Variants in PDE1A observed in about 807,000 individuals in gnomAD.
The protein encoded by PDE1A is phosphodiesterase 1A.
Under a neutral mutation model 61.7 loss-of-function variants are expected in PDE1A, and 35 were observed. The ratio of observed to expected loss-of-function variants is 0.57; its 90% CI spans 0.43 to 0.75. The LOEUF (loss-of-function observed/expected upper bound fraction) is 0.75, where lower values mean the gene tolerates loss of function less well. Among genes scored for constraint, PDE1A ranks in the 30% least tolerant of loss-of-function variants. PDE1A has a pLI of 0.00. For synonymous variants in PDE1A, 232 were observed against 213.2 expected (o/e 1.09, Z -0.77); for missense variants, 597 against 630.6 (o/e 0.95, Z 0.57).
Position 182,465,016 on chromosome 2 carries a change from A to T in PDE1A, c.101+57260T>A, listed in dbSNP as rs1686561597. Among the ~76,000 whole-genome samples, 3 of 152,312 alleles carry T rather than the reference A, an allele frequency of 2.0e-5. No individual in the cohort carries two copies. The South Asian group carries it at 6.2e-4, about 32-fold the overall frequency. On this transcript the variant is annotated intron_variant, in intron 2 of 14. Coordinates refer to the PDE1A transcript ENST00000410103. ...AAATATTAACTGTATGTTAAAATAC[A>T]ACAATATTAAAAGTATGTTTTTCTA...
At chr2:182,264,161 T>C (rs563088065) in intron 2 of PDE1A, 140 bp downstream of exon 2, 6 of 555,620 alleles carry the variant, frequency 1.1e-5, no homozygotes, top group Middle Eastern at 8.4e-4. Context: ...AAGAAGAACA[T>C]TTCAAATTTT....
At chr2:182,265,245 A>C (rs564043687) in intron 1 of PDE1A, among the ~76,000 whole-genome samples, 9 of 151,972 alleles carry the variant, frequency 5.9e-5, no homozygotes, top group East Asian at 1.9e-4. Flanking sequence ...TGTACCCCCC[A>C]AAAAAACTAC....
intron 2 of PDE1A, among the ~76,000 whole-genome samples, chr2:182,470,829 G>A (rs1686981321): frequency 6.6e-6 from 1 of 151,750 alleles, no homozygotes; most frequent in African/African-American, 2.4e-5. Flanking sequence ...GAAAGGTTTT[G>A]CACAAGGAGC....
chr2:182,523,380 T>A (rs1690669640), upstream of PDE1A, among the ~76,000 whole-genome samples: 1 of 151,326 alleles, frequency 6.6e-6, no homozygotes, highest in Non-Finnish European at 1.5e-5. Context: ...TGAGAGAGAG[T>A]GGACATAAAA....
intron 1 of PDE1A, among the ~76,000 whole-genome samples, chr2:182,425,857 A>T (rs1371898689): frequency 6.6e-6 from 1 of 152,204 alleles, no homozygotes; most frequent in Non-Finnish European, 1.5e-5. Context: ...AATAGGGTTC[A>T]ATTTCTAGAT....
chr2:182,343,874 T>C (rs200252863), intron 1 of PDE1A, among the ~76,000 whole-genome samples: 1 of 46 alleles, frequency 0.022, no homozygotes, highest in African/African-American at 0.023. Context: ...TTTCTTTTTC[T>C]TTTTTTTTTT....
chr2:182,180,404 A>G (rs1276429583), intron 13 of PDE1A, among the ~76,000 whole-genome samples: 1 of 152,126 alleles, frequency 6.6e-6, no homozygotes, highest in Non-Finnish European at 1.5e-5. Flanking sequence ...TGAATATTGT[A>G]TATTGCCCTC....
At chr2:182,162,805 G>A (rs1045230814) in intron 13 of PDE1A, among the ~76,000 whole-genome samples, 1 of 152,090 alleles carries the variant, frequency 6.6e-6, no homozygotes, top group Non-Finnish European at 1.5e-5. Flanking sequence ...CTTTAGCTCA[G>A]GTCCAGTGGT....
At chr2:182,491,923 G>A (rs1406940837) in intron 2 of PDE1A, among the ~76,000 whole-genome samples, 1 of 152,104 alleles carries the variant, frequency 6.6e-6, no homozygotes, top group Non-Finnish European at 1.5e-5. Context: ...GCATTCAGAT[G>A]TCTAACAGTA....
intron 2 of PDE1A, among the ~76,000 whole-genome samples, chr2:182,435,323 T>A (rs1684328459): frequency 6.6e-6 from 1 of 152,060 alleles, no homozygotes. Context: ...AAATTCTCTT[T>A]GAGTCAGAGG....
At chr2:182,282,658 TC>T (rs1290491530) in intron 1 of PDE1A, among the ~76,000 whole-genome samples, 1 of 151,956 alleles carries the variant, frequency 6.6e-6, no homozygotes, top group Non-Finnish European at 1.5e-5. Context: ...TATATATAAT[TC>T]CAAAACTTGG....
At chr2:182,482,097 A>C (rs1687737570) in intron 2 of PDE1A, among the ~76,000 whole-genome samples, 1 of 151,970 alleles carries the variant, frequency 6.6e-6, no homozygotes, top group African/African-American at 2.4e-5. Context: ...TTTTCTTATT[A>C]ACAGTCTGTA....
chr2:182,472,651 C>T (rs941515556), intron 2 of PDE1A, among the ~76,000 whole-genome samples: 2 of 151,824 alleles, frequency 1.3e-5, no homozygotes, highest in East Asian at 3.9e-4. Flanking sequence ...ACTCTGACTT[C>T]ATGACAGTGT....
chr2:182,483,618 A>T, intron 2 of PDE1A, among the ~76,000 whole-genome samples: 1 of 151,934 alleles, frequency 6.6e-6, no homozygotes, highest in Non-Finnish European at 1.5e-5. Flanking sequence ...AACACAACTC[A>T]TCAATGTATG....
At chr2:182,701,298 G>A in the PDE1A span, among the ~76,000 whole-genome samples, 2 of 151,820 alleles carry the variant, frequency 1.3e-5, no homozygotes, top group African/African-American at 4.8e-5. Flanking sequence ...GCCTCCCAAA[G>A]TGCTGGGATT....
chr2:182,480,059 A>G (rs1687611635), intron 2 of PDE1A, among the ~76,000 whole-genome samples: 1 of 151,952 alleles, frequency 6.6e-6, no homozygotes, highest in South Asian at 2.1e-4. Flanking sequence ...TATGGTGAAG[A>G]ACAGTAATCA....
rs374496165 is a variant in PDE1A at position 182,335,381 on chromosome 2, A to G, written c.54-70967T>C. On this transcript the variant is annotated intron_variant, in intron 1 of 13. Coordinates refer to ENST00000351439, the Ensembl canonical transcript of PDE1A. ...ACTTCAAACTATACTACAAGGTTAC[A>G]GTAACCAAAACAGCATGGTACTGAT... Among the ~76,000 whole-genome samples, 5 of 152,356 alleles carry G rather than the reference A, an allele frequency of 3.3e-5. 1 individual carries two copies. The highest frequency in any genetic ancestry group is 1.3e-4 in the Admixed American group (2 of 15,298).
chr2:182,324,084 T>C (rs746153456), intron 1 of PDE1A, among the ~76,000 whole-genome samples: 3 of 152,156 alleles, frequency 2.0e-5, no homozygotes, highest in Non-Finnish European at 4.4e-5. Flanking sequence ...TTACTGTTTA[T>C]TTCCTAGCAA....
At chr2:182,162,935 T>C (rs1691464569), downstream of PDE1A, among the ~76,000 whole-genome samples, 5 of 152,126 alleles carry the variant, frequency 3.3e-5, no homozygotes, top group South Asian at 1.0e-3. Context: ...ATTATTATGA[T>C]AGGAAAGGCC....
Sources: allele counts gnomAD v4.1 joint callset (sites outside exome capture counted in the v4.1 genomes callset), GRCh38; gene constraint gnomAD v4.1.1; transcripts MANE v1.5; gene names NCBI Gene and HGNC (gene_info 2026-07-23, HGNC 2026-07-21).